NIPBL: variants seen among roughly 807,000 people sequenced by gnomAD.
The protein encoded by NIPBL is nipped-B-like protein.
A neutral mutation model predicts 321.8 loss-of-function variants in NIPBL; 19 were observed. The ratio of observed to expected loss-of-function variants is 0.06; its 90% CI spans 0.04 to 0.09. NIPBL has a LOEUF of 0.09. Among genes scored for constraint, NIPBL ranks in the 10% least tolerant of loss-of-function variants. The pLI is 1.00. For synonymous variants in NIPBL, 1,106 were observed against 1,114.1 expected (o/e 0.99, Z 0.14); for missense variants, 2,210 against 3,327.0 (o/e 0.66, Z 8.26).
intron 1 of NIPBL, among the ~76,000 whole-genome samples, chr5:36,945,835 A>C (rs2149588220): frequency 1.3e-5 from 2 of 152,238 alleles, no homozygotes; most frequent in East Asian, 3.9e-4. Flanking sequence ...CTTGAATAGC[A>C]GGCAGGGAAA....
rs749981341 is a variant in NIPBL, at chr5:37,003,285, G to A, written c.3793G>A (p.Val1265Ile). The change falls in exon 16 of 47, where the codon GTC (valine) becomes ATC (isoleucine). Residue 1265 changes from valine to isoleucine, a missense_variant. Transcript: ENST00000282516. ...GCTTTCAACTGACAAAACTGTGAAA[G>A]TCTTAAATATCTTGGAGAAGAATAT... Reference protein sequence around the residue: ...DKLSTDKTVKVLNILEKNIQD... With the variant: ...DKLSTDKTVKILNILEKNIQD... 1.2e-5 allele frequency: 19 copies of A among 1,603,310 alleles called. No homozygotes were observed. The highest frequency in any genetic ancestry group is 1.5e-5 in the Non-Finnish European group (18 of 1,170,790).
intron 16 of NIPBL, among the ~76,000 whole-genome samples, chr5:37,005,076 C>T (rs1405505928): frequency 6.6e-6 from 1 of 152,090 alleles, no homozygotes; most frequent in Non-Finnish European, 1.5e-5. Context: ...GGATTTTTTG[C>T]AATTTCTTTT....
At chr5:37,019,221 G>C (rs548009054) in intron 24 of NIPBL, 90 bp from the exon 25 acceptor site, 2 of 865,356 alleles carry the variant, frequency 2.3e-6, no homozygotes, top group Admixed American at 3.7e-5. Flanking sequence ...TTTAATATCA[G>C]TTTTTCCTTC....
intron 21 of NIPBL, among the ~76,000 whole-genome samples, chr5:37,013,208 C>G (rs1281408833): frequency 6.7e-6 from 1 of 149,600 alleles, no homozygotes; most frequent in East Asian, 2.0e-4. Flanking sequence ...GGCGGCTGGC[C>G]GGGCAGAGGG....
chr5:36,909,848 T>G (rs2149544235), intron 1 of NIPBL, among the ~76,000 whole-genome samples: 1 of 152,150 alleles, frequency 6.6e-6, no homozygotes, highest in East Asian at 1.9e-4. Context: ...GAGGCCAAGG[T>G]GGGCAGATCA....
At chr5:36,937,912 A>T (rs1456941655) in intron 1 of NIPBL, among the ~76,000 whole-genome samples, 1 of 152,094 alleles carries the variant, frequency 6.6e-6, no homozygotes, top group Non-Finnish European at 1.5e-5. Context: ...AGTCATATGT[A>T]TGCATCAGAA....
rs1746152035 is a variant in NIPBL, at chr5:36,996,388, A to G, written c.3304+584A>G. The G allele has an allele frequency of 2.2e-6, 1 of 456,420 alleles. No individual in the cohort carries two copies. The highest frequency in any genetic ancestry group is 4.4e-6 in the Non-Finnish European group (1 of 226,848). 28.3% of individuals were successfully genotyped at this position (456,420 alleles called of 1,614,324 possible). On this transcript the variant is annotated intron_variant, in intron 11 of 46. Coordinates refer to ENST00000282516, the MANE Select transcript of NIPBL (RefSeq NM_133433.4). This position sits in a 1 kb window ranked among gnomAD's most constrained non-coding sequence, Gnocchi z 5.0. ...ATTATGAATGGATTAGCCACATTGCAGATTATCTGTGTGGTTTGGACCTGG... is the reference window on the plus strand; with the variant it reads ...ATTATGAATGGATTAGCCACATTGCGGATTATCTGTGTGGTTTGGACCTGG...
At chr5:36,991,745 G>GTTT (rs34780358) in intron 10 of NIPBL, among the ~76,000 whole-genome samples, 27 of 127,550 alleles carry the variant, frequency 2.1e-4, no homozygotes, top group African/African-American at 6.3e-4. Flanking sequence ...GCCTGCCCAA[G>GTTT]TTTTTTTTTT....
chr5:36,955,447 A>G (rs1740832512), intron 2 of NIPBL, 25 bp from the exon 3 acceptor site: 3 of 1,601,090 alleles, frequency 1.9e-6, no homozygotes, highest in East Asian at 4.5e-5. Flanking sequence ...CTCAATTTCT[A>G]ATAATCTGAT....
chr5:36,962,092 T>A, intron 5 of NIPBL, 31 bp from the exon 6 acceptor site: 6 of 1,613,366 alleles, frequency 3.7e-6, no homozygotes, highest in Non-Finnish European at 5.1e-6. Context: ...TTTATTTCCT[T>A]ATATTTTTTT....
chr5:37,003,076 T>C (rs1224400415), intron 15 of NIPBL, among the ~76,000 whole-genome samples, 185 bp from the exon 16 acceptor site: 1 of 152,058 alleles, frequency 6.6e-6, no homozygotes, highest in Admixed American at 6.6e-5. Context: ...AATTTTTCTT[T>C]GACATTTGCT....
intron 1 of NIPBL, among the ~76,000 whole-genome samples, chr5:36,884,252 G>T (rs563188723): frequency 2.0e-5 from 3 of 152,068 alleles, no homozygotes; most frequent in Admixed American, 6.5e-5. Context: ...TGTTGTTAAT[G>T]TGGTTGATCT....
At chr5:36,911,565 T>C (rs1388131279) in intron 1 of NIPBL, among the ~76,000 whole-genome samples, 1 of 152,212 alleles carries the variant, frequency 6.6e-6, no homozygotes. Context: ...TGTGTGTGCT[T>C]ATTAAAAAAT....
At position 37,028,936 on chromosome 5, in the gene NIPBL, T is replaced by A. The variant is rs1258873574; in HGVS notation, c.5862+1524T>A. ...ATGTTTTTCTGTAGAATCTCCCACA[T>A]TCTGGATTTAATAGTCCACTTTTTT... On this transcript the variant is annotated intron_variant, in intron 32 of 46. Transcript: ENST00000282516. 4.6e-5 allele frequency among the ~76,000 whole-genome samples: 7 copies of A among 152,344 alleles called. No individual in the cohort carries two copies. The East Asian group carries it at 1.3e-3, about 29-fold the overall frequency.
chr5:37,000,717 CGTT>C, intron 12 of NIPBL, 97 bp from the exon 13 acceptor site: 1 of 1,285,080 alleles, frequency 7.8e-7, no homozygotes, highest in Non-Finnish European at 1.1e-6. Context: ...CAGTGATTAT[CGTT>C]TAAGTCTTTA....
At position 36,976,055 on chromosome 5, in the gene NIPBL, G is replaced by A. The variant is rs1232666426; in HGVS notation, c.1148G>A (p.Ser383Asn). The A allele has an allele frequency of 1.2e-6, 2 of 1,614,004 alleles. No individual in the cohort carries two copies. The highest frequency in any genetic ancestry group is 1.3e-5 in the African/African-American group (1 of 75,038). The stretch of plus-strand genomic sequence containing the variant: ...GATATGATTTCTGGTGTGGAAAATA[G>A]CAATGTTTCAGAAAATGATATTCCT... Reference protein sequence around the residue: ...QEDMISGVENSNVSENDIPFN... With the variant: ...QEDMISGVENNNVSENDIPFN... The change falls in exon 9 of 47, where the codon AGC (serine) becomes AAC (asparagine). Residue 383 changes from serine (S) to asparagine (N), a missense_variant. By Grantham distance (46) the Ser-to-Asn change is conservative (BLOSUM62 1). Around this residue, in one of 14 missense-constraint regions of NIPBL, gnomAD observed 464 missense variants for 529.5 expected, o/e 0.88. Transcript: ENST00000282516.
Position 37,022,034 on chromosome 5 carries a change from C to A in NIPBL, c.5329-17C>A. On this transcript the variant is annotated splice_polypyrimidine_tract_variant and intron_variant, in intron 27 of 46. Transcript: ENST00000282516. ...TGTATTCTAAAATTTACAAAAATGT[C>A]AATGTTTGCTTGGCAGATCCTACGA... The A allele has an allele frequency of 1.2e-6, 2 of 1,603,276 alleles. No homozygotes were observed. The highest frequency in any genetic ancestry group is 1.1e-5 in the South Asian group (1 of 90,578).
At chr5:37,057,353 T>G in intron 43 of NIPBL, 21 bp downstream of exon 43, 1 of 1,609,008 alleles carries the variant, frequency 6.2e-7, no homozygotes, top group Non-Finnish European at 8.5e-7. Flanking sequence ...CACATTACTA[T>G]TCTTAATCCA....
chr5:36,877,280 C>T (rs994414275), intron 1 of NIPBL, 102 bp downstream of exon 1: 4 of 160,102 alleles, frequency 2.5e-5, no homozygotes, highest in Non-Finnish European at 4.1e-5. Context: ...TCCTTAGCGG[C>T]CCCAGGTCTC....
Sources: gnomAD v4.1 joint callset for allele counts (sites outside exome capture counted in the v4.1 genomes callset) on GRCh38, gnomAD v4.1.1 for gene constraint, gnomAD v4.1.1 regional missense constraint, Gnocchi (gnomAD v3.1) non-coding constraint, MANE v1.5 for transcripts, NCBI Gene and HGNC (gene_info 2026-07-23, HGNC 2026-07-21) for gene names.